CRYBG1: variants seen among roughly 807,000 people sequenced by gnomAD.
CRYBG1 encodes the protein crystallin beta-gamma domain containing 1.
In CRYBG1, 139 loss-of-function variants were observed where a neutral mutation model predicts 189.2. The ratio of observed to expected loss-of-function variants is 0.73; its 90% CI spans 0.64 to 0.85. The LOEUF (loss-of-function observed/expected upper bound fraction) is 0.85, where lower values mean the gene tolerates loss of function less well. Ranked by LOEUF, CRYBG1 falls within the 40% of genes least tolerant of loss-of-function variation. The pLI, the probability that CRYBG1 is intolerant of heterozygous loss-of-function variation, is 0.00. For missense variants in CRYBG1, 2,611 were observed against 2,675.8 expected (o/e 0.98, Z 0.53); for synonymous variants, 1,023 against 1,017.1 (o/e 1.01, Z -0.11).
chr6:106,453,300 A>G (rs1226032080), intron 2 of CRYBG1, among the ~76,000 whole-genome samples: 1 of 152,236 alleles, frequency 6.6e-6, no homozygotes, highest in Non-Finnish European at 1.5e-5. Context: ...AAAAGTAGGT[A>G]GTGAAATTCA....
At chr6:106,433,040 G>A (rs1003457490) in intron 1 of CRYBG1, among the ~76,000 whole-genome samples, 5 of 151,638 alleles carry the variant, frequency 3.3e-5, no homozygotes, top group African/African-American at 4.8e-5. Context: ...GGGGTTTCAC[G>A]ATGTTAGTCA....
chr6:106,447,237 G>A (rs1413195672), intron 1 of CRYBG1, among the ~76,000 whole-genome samples: 1 of 152,058 alleles, frequency 6.6e-6, no homozygotes, highest in Non-Finnish European at 1.5e-5. Flanking sequence ...TGCTTCCATT[G>A]GCACATAAAT....
At chr6:106,484,849 G>C (rs1772563438) in intron 2 of CRYBG1, among the ~76,000 whole-genome samples, 1 of 152,242 alleles carries the variant, frequency 6.6e-6, no homozygotes, top group East Asian at 1.9e-4. Context: ...ATATTAGCTG[G>C]ATGTGGTGGT....
At chr6:106,516,391 A>G (rs1196869996) in intron 3 of CRYBG1, among the ~76,000 whole-genome samples, 2 of 151,944 alleles carry the variant, frequency 1.3e-5, no homozygotes, top group African/African-American at 4.8e-5. Flanking sequence ...GTGCCACCAC[A>G]CCTGGCTAAT....
intron 1 of CRYBG1, among the ~76,000 whole-genome samples, chr6:106,404,040 A>C (rs1770772170): frequency 6.6e-6 from 1 of 152,260 alleles, no homozygotes; most frequent in South Asian, 2.1e-4. Flanking sequence ...CTATCAGAAG[A>C]GGGCTCTGCC....
At chr6:106,433,218 G>A (rs1441073477) in intron 1 of CRYBG1, among the ~76,000 whole-genome samples, 1 of 152,192 alleles carries the variant, frequency 6.6e-6, no homozygotes, top group Non-Finnish European at 1.5e-5. Flanking sequence ...AAACCAGCAA[G>A]TCAGGGTTGC....
At chr6:106,547,052 A>C (rs1157634654) in intron 13 of CRYBG1, among the ~76,000 whole-genome samples, 1 of 152,142 alleles carries the variant, frequency 6.6e-6, no homozygotes, top group Non-Finnish European at 1.5e-5. Flanking sequence ...TTCCCTTTAT[A>C]AAGTGCTGCT....
intron 1 of CRYBG1, among the ~76,000 whole-genome samples, chr6:106,384,810 CA>C (rs1770352414): frequency 6.6e-6 from 1 of 152,002 alleles, no homozygotes; most frequent in Non-Finnish European, 1.5e-5. Context: ...CTAACTCAGA[CA>C]ACATCAATTC....
chr6:106,489,787 C>CA (rs10593320), intron 2 of CRYBG1, among the ~76,000 whole-genome samples: 12,722 of 81,120 alleles, frequency 0.16, 762 homozygotes, highest in Non-Finnish European at 0.21. Flanking sequence ...ACTCTGTGTC[C>CA]AAAAAAAAAA....
Position 106,521,145 on chromosome 6 carries a change from A to C in CRYBG1, c.3937A>C (p.Asn1313His). The change falls in exon 4 of 22, where the codon AAT (asparagine) becomes CAT (histidine). Residue 1313 changes from asparagine (N) to histidine (H), a missense_variant. Around this residue, in one of 3 missense-constraint regions of CRYBG1, gnomAD observed 1,622 missense variants for 1,735.0 expected, o/e 0.93. Coordinates refer to ENST00000633556, the MANE Select transcript of CRYBG1 (RefSeq NM_001371242.2). ...GCCCGACAACTCCTTAAAGGTCTTC[A>C]ATTTCAACTCGTCAAGTACATCACA... ...LLPDNSLKVF[N>H]FNSSSTSHSS... The C allele has an allele frequency of 1.2e-6, 2 of 1,614,164 alleles. No homozygotes were observed. The highest frequency in any genetic ancestry group is 1.7e-6 in the Non-Finnish European group (2 of 1,180,028).
chr6:106,512,783 G>GCGGC lies in CRYBG1; in HGVS notation c.1669_1672dup (p.Glu558GlyfsTer62), dbSNP rs745512225. 6.3e-7 allele frequency: 1 copy of GCGGC among 1,580,352 alleles called. No homozygotes were observed. The highest frequency in any genetic ancestry group is 2.3e-5 in the East Asian group (1 of 43,328). On this transcript the variant is annotated frameshift_variant, in exon 3 of 22. Coordinates refer to ENST00000633556, the MANE Select transcript of CRYBG1 (RefSeq NM_001371242.2). LOFTEE classifies it high-confidence loss of function. The stretch of plus-strand genomic sequence containing the variant: ...TCCCAGCCCAGTCACCAAGGGCACT[G>GCGGC]CGGCCGAGAGCGGGGAGGAGGCGGC...
intron 1 of CRYBG1, among the ~76,000 whole-genome samples, chr6:106,444,293 T>C (rs1448079421): frequency 6.6e-6 from 1 of 152,210 alleles, no homozygotes; most frequent in Non-Finnish European, 1.5e-5. Flanking sequence ...AAAACAAAAC[T>C]TGTCCAACTT....
chr6:106,539,252 G>A, intron 8 of CRYBG1, 151 bp from the exon 9 acceptor site: 1 of 818,102 alleles, frequency 1.2e-6, no homozygotes. Context: ...CTTGAGTCTA[G>A]TGTGATTCTA....
chr6:106,517,497 C>T (rs200656807), intron 3 of CRYBG1, among the ~76,000 whole-genome samples: 7 of 141,824 alleles, frequency 4.9e-5, no homozygotes, highest in East Asian at 2.3e-4. Flanking sequence ...CACACACACA[C>T]ATATATATAT....
chr6:106,530,515 C>G (rs146978456), intron 8 of CRYBG1, among the ~76,000 whole-genome samples, 200 bp downstream of exon 8: 1 of 139,944 alleles, frequency 7.1e-6, no homozygotes, highest in Admixed American at 7.4e-5. Flanking sequence ...AAAACAGTAT[C>G]GATTTATTAT....
chr6:106,455,284 C>G (rs563629342), intron 2 of CRYBG1, among the ~76,000 whole-genome samples: 1 of 151,744 alleles, frequency 6.6e-6, no homozygotes, highest in Non-Finnish European at 1.5e-5. Context: ...GTGACAAACA[C>G]GAATTGGATA....
At chr6:106,365,619 C>G (rs991623337) in intron 1 of CRYBG1, among the ~76,000 whole-genome samples, 1 of 142,346 alleles carries the variant, frequency 7.0e-6, no homozygotes. Context: ...AGAAGTGGGT[C>G]CTTAGCTAAA....
At chr6:106,433,558 G>A (rs1256154006) in intron 1 of CRYBG1, among the ~76,000 whole-genome samples, 1 of 151,774 alleles carries the variant, frequency 6.6e-6, no homozygotes, top group Non-Finnish European at 1.5e-5. Context: ...TTTAATGGCT[G>A]ATACTGGAAT....
intron 17 of CRYBG1, among the ~76,000 whole-genome samples, chr6:106,556,761 G>A (rs769526170): frequency 7.9e-5 from 12 of 152,190 alleles, no homozygotes; most frequent in African/African-American, 2.7e-4. Flanking sequence ...TAGGAAGAAC[G>A]TATGTGAGTT....
Sources: gnomAD v4.1 joint callset for allele counts (sites outside exome capture counted in the v4.1 genomes callset) on GRCh38, gnomAD v4.1.1 for gene constraint, gnomAD v4.1.1 regional missense constraint, MANE v1.5 for transcripts, NCBI Gene and HGNC (gene_info 2026-07-23, HGNC 2026-07-21) for gene names.